The following WIPI2 variants were observed in gnomAD, a reference collection of about 807,000 sequenced individuals.
WIPI2 encodes WD repeat domain, phosphoinositide interacting 2.
A neutral mutation model predicts 52.3 loss-of-function variants in WIPI2; 28 were observed. The observed-to-expected ratio is 0.54, with a 90% confidence interval of 0.40 to 0.73. The LOEUF is 0.73. Among genes scored for constraint, WIPI2 ranks in the 30% least tolerant of loss-of-function variants. The probability of loss-of-function intolerance (pLI) is 0.00; values close to 1 mark genes in which losing one functional copy is unlikely to be tolerated. For synonymous variants in WIPI2, 268 were observed against 245.0 expected (o/e 1.09, Z -0.88); for missense variants, 506 against 602.9 (o/e 0.84, Z 1.68).
At chr7:5,201,165 G>A (rs935915975) in intron 3 of WIPI2, among the ~76,000 whole-genome samples, 2 of 152,248 alleles carry the variant, frequency 1.3e-5, no homozygotes, top group East Asian at 3.8e-4. Flanking sequence ...CTGCAGTGGA[G>A]GGCAGCCCCG....
In WIPI2 at chr7:5,231,187, T is replaced by G. The variant is rs1783708623; in HGVS notation, c.*240T>G. ...TAGCTTTTTGTTTGTTTGTTTTCTC[T>G]TTTTGCCAAAATTAACTGTTTGGTG... On this transcript the variant is annotated 3_prime_UTR_variant, in exon 13 of 13. Coordinates refer to ENST00000288828, the MANE Select transcript of WIPI2 (RefSeq NM_015610.4). 2.4e-6 allele frequency: 1 copy of G among 415,240 alleles called. No homozygotes were observed. Among genetic ancestry groups the G allele is most frequent in the Non-Finnish European group, 4.3e-6 (1 of 235,198 alleles). 25.7% of individuals were successfully genotyped at this position (415,240 alleles called of 1,614,324 possible).
At position 5,216,566 on chromosome 7, in the gene WIPI2, C is replaced by T. The variant is rs1782823867; in HGVS notation, c.385C>T (p.Leu129=). 1.2e-6 allele frequency: 2 copies of T among 1,614,156 alleles called. No homozygotes were observed. The highest frequency in any genetic ancestry group is 8.5e-7 in the Non-Finnish European group (1 of 1,179,988). The change falls in exon 5 of 13, where the codon CTG becomes TTG. Residue 129 remains leucine (L), a synonymous_variant. Coordinates refer to ENST00000288828, the MANE Select transcript of WIPI2 (RefSeq NM_015610.4). ...TTTCGTTTTGTCTCTCGCCTAGAGG[C>T]TGATAGTATGCCTGGAGGAGTCCCT... ...ILAVKLNRQR[L]IVCLEESLYI...
intron 3 of WIPI2, chr7:5,213,528 CAGTATCCAGTT>C (rs1278325490): frequency 6.6e-6 from 1 of 152,278 alleles, no homozygotes; most frequent in Non-Finnish European, 1.5e-5. Context: ...CAGCTGGCCA[CAGTATCCAGTT>C]AGTCACACGC....
In WIPI2 at chr7:5,231,168, T is replaced by C. The variant is rs1783707727; in HGVS notation, c.*221T>C. On this transcript the variant is annotated 3_prime_UTR_variant, in exon 13 of 13. Coordinates refer to ENST00000288828, the MANE Select transcript of WIPI2 (RefSeq NM_015610.4). ...AAATCCTGCTTATGAATTTTAGCTT[T>C]TTGTTTGTTTGTTTTCTCTTTTTGC... is the stretch of plus-strand genomic sequence containing the variant. 7.3e-6 allele frequency: 3 copies of C among 409,940 alleles called. No homozygotes were observed. The Admixed American group carries it at 1.3e-4, about 18-fold the overall frequency. 25.4% of individuals were successfully genotyped at this position (409,940 alleles called of 1,614,324 possible).
At chr7:5,204,092 G>A (rs1185306583) in intron 3 of WIPI2, among the ~76,000 whole-genome samples, 2 of 152,228 alleles carry the variant, frequency 1.3e-5, no homozygotes, top group African/African-American at 2.4e-5. Flanking sequence ...TTTCATGGGA[G>A]GGCTGAGCCA....
At chr7:5,228,807 C>A (rs13225483) in intron 11 of WIPI2, among the ~76,000 whole-genome samples, 18,266 of 152,214 alleles carry the variant, frequency 0.12, 1,200 homozygotes, top group East Asian at 0.3. Context: ...CAGCTCACTG[C>A]AGCCTTGACC....
rs769650639 is a variant in WIPI2 at position 5,230,836 on chromosome 7, C to G, written c.1254C>G (p.Ala418=). 6.2e-7 allele frequency: 1 copy of G among 1,612,976 alleles called. No homozygotes were observed. The highest frequency in any genetic ancestry group is 8.5e-7 in the Non-Finnish European group (1 of 1,179,404). Reference sequence around the variant, plus strand: ...GGTGACTTCGTCGTCTCTTTGCAGCCTACACAGACGACCTGGGTGCTGTGG... The same window carrying G: ...GGTGACTTCGTCGTCTCTTTGCAGCGTACACAGACGACCTGGGTGCTGTGG... ...TYVPSSPTRL[A]YTDDLGAVGG... is the part of the protein sequence containing the mutation. The change falls in exon 13 of 13, where the codon GCC becomes GCG. Residue 418 remains alanine (A), a splice_region_variant and synonymous_variant. Transcript: ENST00000288828. The surrounding 1 kb of genome is among the most constrained non-coding windows in gnomAD (Gnocchi z 4.8).
intron 7 of WIPI2, 173 bp downstream of exon 7, chr7:5,218,187 A>G (rs1782920213): frequency 1.6e-6 from 1 of 611,662 alleles, no homozygotes; most frequent in Non-Finnish European, 2.9e-6. Flanking sequence ...GAGTGAGCGG[A>G]GCTTGCAGTG....
At chr7:5,217,702 G>C in intron 6 of WIPI2, 1 of 564,524 alleles carries the variant, frequency 1.8e-6, no homozygotes, top group Non-Finnish European at 3.2e-6. Flanking sequence ...ATGTTTGAAG[G>C]AACATAGAAA....
intron 8 of WIPI2, 161 bp downstream of exon 8, chr7:5,222,833 G>A: frequency 3.0e-6 from 2 of 666,582 alleles, no homozygotes; most frequent in African/African-American, 1.8e-5. Context: ...GTCTTGTCAT[G>A]GGAATTGAAG....
rs751991726 is a variant in WIPI2, at chr7:5,227,369, C to A, written c.1013+25C>A. ...CGTGAGTAGAGCCGGCGCCTCCGTC[C>A]CCCACCCCGTGTGCCTCAGGCCGAG... On this transcript the variant is annotated intron_variant, in intron 10 of 12. Coordinates refer to ENST00000288828, the MANE Select transcript of WIPI2 (RefSeq NM_015610.4). This position sits in a 1 kb window ranked among gnomAD's most constrained non-coding sequence, Gnocchi z 8.1. 1 of 1,607,820 alleles carries A rather than the reference C, an allele frequency of 6.2e-7. No homozygotes were observed.
Position 5,225,854 on chromosome 7 carries a change from A to G in WIPI2, c.772A>G (p.Met258Val). Reference protein sequence around the residue: ...CVSICSLAFSMDGMFLSASSN... With the variant: ...CVSICSLAFSVDGMFLSASSN... ...GAGCATCTGCTCCCTGGCCTTCAGC[A>G]TGGACGGCATGTTCCTCTCCGCCTC... Residue 258 changes from methionine to valine, a missense_variant, in exon 9 of 13, where the codon ATG (methionine) becomes GTG (valine). Met to Val is a conservative substitution (Grantham distance 21, BLOSUM62 1). Transcript: ENST00000288828. The G allele has an allele frequency of 5.0e-6, 8 of 1,613,670 alleles. No individual in the cohort carries two copies. Among genetic ancestry groups the G allele is most frequent in the Admixed American group, 1.7e-5 (1 of 59,964 alleles).
At chr7:5,217,540 T>A (rs575157796) in intron 6 of WIPI2, 1 of 391,932 alleles carries the variant, frequency 2.6e-6, no homozygotes, top group East Asian at 5.9e-5. Flanking sequence ...TAAGCCATCC[T>A]CCCGCCTCGG....
chr7:5,216,822 G>A (rs976796700), intron 5 of WIPI2, 163 bp downstream of exon 5: 6 of 730,056 alleles, frequency 8.2e-6, no homozygotes, highest in Non-Finnish European at 1.1e-5. Flanking sequence ...CTGGTCATGT[G>A]ACCACATAAG....
intron 3 of WIPI2, among the ~76,000 whole-genome samples, chr7:5,208,312 A>T (rs1320124973): frequency 1.1e-4 from 16 of 151,924 alleles, no homozygotes; most frequent in African/African-American, 3.9e-4. Context: ...TATTCTGGAT[A>T]CCAGTCCTTT....
chr7:5,213,772 G>A (rs890035352), intron 3 of WIPI2, among the ~76,000 whole-genome samples: 12 of 152,018 alleles, frequency 7.9e-5, no homozygotes, highest in South Asian at 2.1e-4. Context: ...TTCAAGCTCC[G>A]TCCCCCGGGT....
At position 5,233,317 on chromosome 7, in the gene WIPI2, G is replaced by A. The variant is rs569546830; in HGVS notation, c.*2370G>A. 4 of 152,382 alleles carry A rather than the reference G, an allele frequency of 2.6e-5. No homozygotes were observed. Among genetic ancestry groups the A allele is most frequent in the Admixed American group, 1.3e-4 (2 of 15,296 alleles). The allele number at this position is 152,382 out of a possible 1,614,324, so 9.4% of individuals were successfully genotyped here. ...CTGGCGGCCTCAGACATGCTCAGGA[G>A]TGACGGGGACAGAGGGAGGCCGCTG... is the stretch of plus-strand genomic sequence containing the variant. On this transcript the variant is annotated 3_prime_UTR_variant, in exon 13 of 13. Transcript: ENST00000288828.
intron 2 of WIPI2, among the ~76,000 whole-genome samples, chr7:5,197,750 G>A (rs1471557100): frequency 6.6e-6 from 1 of 152,126 alleles, no homozygotes. Context: ...CTATCTTGGG[G>A]TACAAATACT....
chr7:5,228,148 A>C lies in WIPI2; in HGVS notation c.1058A>C (p.Tyr353Ser). ...PRLLVGAADG[Y>S]LYMYNLDPQE... is the part of the protein sequence containing the mutation. ...TTGTTGGTGGGTGCCGCCGACGGGTACCTGTACATGTACAACCTGGACCCC... is the reference window on the plus strand; with the variant it reads ...TTGTTGGTGGGTGCCGCCGACGGGTCCCTGTACATGTACAACCTGGACCCC... The change falls in exon 11 of 13, where the codon TAC becomes TCC. Residue 353 changes from tyrosine to serine, a missense_variant. Tyr to Ser is a moderately radical substitution (Grantham distance 144). Transcript: ENST00000288828. 6.2e-7 allele frequency: 1 copy of C among 1,613,890 alleles called. No individual in the cohort carries two copies. Among genetic ancestry groups the C allele is most frequent in the Non-Finnish European group, 8.5e-7 (1 of 1,180,006 alleles).
Sources: gnomAD v4.1 joint callset for allele counts (sites outside exome capture counted in the v4.1 genomes callset) on GRCh38, gnomAD v4.1.1 for gene constraint, Gnocchi (gnomAD v3.1) non-coding constraint, MANE v1.5 for transcripts, NCBI Gene and HGNC (gene_info 2026-07-23, HGNC 2026-07-21) for gene names.